Variants in IFT140 observed in about 807,000 individuals in gnomAD.
The protein encoded by IFT140 is intraflagellar transport 140.
IFT140 carries 133 observed loss-of-function variants against 164.6 expected under a neutral mutation model. That is an observed-to-expected ratio of 0.81 (90% CI 0.70 to 0.93). The LOEUF is 0.93. Among genes scored for constraint, IFT140 ranks in the 40% least tolerant of loss-of-function variants. The pLI, the probability that IFT140 is intolerant of heterozygous loss-of-function variation, is 0.00. For missense variants in IFT140, 2,045 were observed against 1,972.3 expected (o/e 1.04, Z -0.70); for synonymous variants, 860 against 817.3 (o/e 1.05, Z -0.89).
chr16:1,523,484 G>T, intron 26 of IFT140, 34 bp downstream of exon 26: 1 of 1,593,106 alleles, frequency 6.3e-7, no homozygotes. Flanking sequence ...TGGTGCCTGC[G>T]TGGAGCCGAG....
At chr16:1,537,769 C>T (rs1031474598) in intron 19 of IFT140, among the ~76,000 whole-genome samples, 6 of 152,198 alleles carry the variant, frequency 3.9e-5, no homozygotes, top group African/African-American at 1.4e-4. Flanking sequence ...GAACAGATGA[C>T]CGTGTGATTG....
chr16:1,517,693 G>A (rs2235637), intron 30 of IFT140, among the ~76,000 whole-genome samples: 65,242 of 152,054 alleles, frequency 0.43, 16,771 homozygotes, highest in African/African-American at 0.72. Flanking sequence ...CTTTTTTTGT[G>A]AAAATCCCTG....
intron 19 of IFT140, among the ~76,000 whole-genome samples, chr16:1,543,557 G>A (rs928271395): frequency 4.6e-5 from 7 of 152,352 alleles, no homozygotes; most frequent in African/African-American, 1.7e-4. Context: ...CATCACCATC[G>A]ACGTGGGGTC....
intron 27 of IFT140, 120 bp downstream of exon 27, chr16:1,520,482 T>C: frequency 7.4e-7 from 1 of 1,356,888 alleles, no homozygotes; most frequent in South Asian, 1.3e-5. Flanking sequence ...GTGCTCTTCC[T>C]GGCCAGAAAG....
At chr16:1,601,197 G>A (rs1438968403) in intron 4 of IFT140, among the ~76,000 whole-genome samples, 2 of 151,436 alleles carry the variant, frequency 1.3e-5, no homozygotes, top group African/African-American at 4.8e-5. Flanking sequence ...TCAGGATGTA[G>A]AGGTTGCAGT....
chr16:1,561,102 T>C (rs1030336338), intron 18 of IFT140, among the ~76,000 whole-genome samples: 1 of 152,192 alleles, frequency 6.6e-6, no homozygotes, highest in African/African-American at 2.4e-5. Flanking sequence ...GGCTCCTCTC[T>C]GAAAAATCCC....
rs1409510506 is a variant in IFT140 at position 1,586,176 on chromosome 16, G to A, written c.1109C>T (p.Ala370Val). The A allele has an allele frequency of 2.5e-6, 4 of 1,613,914 alleles. No individual in the cohort carries two copies. The highest frequency in any genetic ancestry group is 1.3e-5 in the African/African-American group (1 of 75,028). ...SPGAEGKDRW[A>V]LQTPTELQGN... ...TTGGAGCTCGGTAGGGGTCTGAAGG[G>A]CCCACCTGTCCTTGCCCTCTGCCCC... The change falls in exon 10 of 31, where the codon GCC becomes GTC. Residue 370 changes from alanine to valine, a missense_variant. Physicochemically the swap from Ala to Val is moderately conservative, Grantham distance 64 (BLOSUM62 0). Coordinates refer to ENST00000426508, the MANE Select transcript of IFT140 (RefSeq NM_014714.4).
At chr16:1,611,745 C>G (rs1424912954) in intron 1 of IFT140, among the ~76,000 whole-genome samples, 1 of 148,544 alleles carries the variant, frequency 6.7e-6, no homozygotes, top group African/African-American at 2.5e-5. Flanking sequence ...ACCTGGGAGG[C>G]GGAGCTTGCA....
chr16:1,546,555 A>G (rs2032188742), intron 19 of IFT140, among the ~76,000 whole-genome samples: 1 of 152,172 alleles, frequency 6.6e-6, no homozygotes, highest in Non-Finnish European at 1.5e-5. Context: ...CCTGCTGGGT[A>G]ACATGCATGC....
rs2141148514 is a variant in IFT140, at chr16:1,520,828, G to T, written c.3454-20C>A. The T allele has an allele frequency of 1.9e-6, 3 of 1,593,458 alleles. No individual in the cohort carries two copies. The highest frequency in any genetic ancestry group is 2.2e-5 in the South Asian group (2 of 90,160). ...CTGATACTGCAAAGGTGCAGAAATG[G>T]GACGGGGCTGCCGAGGGGGCCGGGA... On this transcript the variant is annotated intron_variant, in intron 26 of 30. Coordinates refer to ENST00000426508, the MANE Select transcript of IFT140 (RefSeq NM_014714.4).
Position 1,566,641 on chromosome 16 carries a change from T to TA in IFT140, c.1771-351dup, listed in dbSNP as rs2033734438. Among the ~76,000 whole-genome samples the TA allele has an allele frequency of 2.0e-5, 3 of 152,268 alleles. No individual in the cohort carries two copies. In the East Asian group the frequency reaches 5.8e-4, roughly 29 times the overall value. ...CCGTTCTCAGCTGAAACTCCTTTAT[T>TA]ACAGCTGAACTTTTCCACTGCTTCC... is the stretch of plus-strand genomic sequence containing the variant. On this transcript the variant is annotated intron_variant, in intron 15 of 30. Coordinates refer to ENST00000426508, the MANE Select transcript of IFT140 (RefSeq NM_014714.4).
intron 4 of IFT140, among the ~76,000 whole-genome samples, chr16:1,598,141 A>C (rs1235969530): frequency 1.3e-5 from 2 of 152,204 alleles, no homozygotes; most frequent in African/African-American, 4.8e-5. Flanking sequence ...ATAAAAAAAA[A>C]ACTTGGCGAA....
At chr16:1,552,945 G>A (rs934637512) in intron 19 of IFT140, 1 of 984,368 alleles carries the variant, frequency 1.0e-6, no homozygotes, top group Non-Finnish European at 1.2e-6. Flanking sequence ...AAACCACTGT[G>A]CCTTGTCTAG....
chr16:1,592,140 C>T (rs527293637), intron 6 of IFT140, 36 bp downstream of exon 6: 1 of 1,612,486 alleles, frequency 6.2e-7, no homozygotes, highest in East Asian at 2.2e-5. Context: ...CCCTAAAATG[C>T]TAGGACCCCT....
In IFT140 at chr16:1,520,131, C is replaced by G; in HGVS notation, c.3873G>C (p.Gln1291His). The G allele has an allele frequency of 3.7e-6, 6 of 1,613,868 alleles. No individual in the cohort carries two copies. Among genetic ancestry groups the G allele is most frequent in the Non-Finnish European group, 4.2e-6 (5 of 1,179,772 alleles). The change falls in exon 28 of 31, where the codon CAG (glutamine) becomes CAC (histidine). Residue 1291 changes from glutamine to histidine, a missense_variant and splice_region_variant. Physicochemically the swap from Gln to His is conservative, Grantham distance 24. Coordinates refer to ENST00000426508, the MANE Select transcript of IFT140 (RefSeq NM_014714.4). ...CTGGCATGCCAGGGAGGGCCTGCAC[C>G]TGGGCACAAGCGTCATAAAAGCCAG... is the stretch of plus-strand genomic sequence containing the variant. ...LLAGFYDACAQVEIDEYQNYD... is the reference protein window; with the variant it reads ...LLAGFYDACAHVEIDEYQNYD...
chr16:1,511,072 C>T lies in IFT140; in HGVS notation c.4261G>A (p.Asp1421Asn). The change falls in exon 31 of 31, where the codon GAC becomes AAC. Residue 1421 changes from aspartate to asparagine, a missense_variant. Coordinates refer to ENST00000426508, the MANE Select transcript of IFT140 (RefSeq NM_014714.4). ...AGACCCAGCCCCCGGTGCACGGCGT[C>T]CACGGCCTGCGGGCTCACGTAGTAG... ...MSYYVSPQAV[D>N]AVHRGLGLPL... 2 of 1,609,458 alleles carry T rather than the reference C, an allele frequency of 1.2e-6. No individual in the cohort carries two copies. The highest frequency in any genetic ancestry group is 1.7e-6 in the Non-Finnish European group (2 of 1,178,288).
At chr16:1,608,230 G>A (rs940734256) in intron 2 of IFT140, among the ~76,000 whole-genome samples, 8 of 152,144 alleles carry the variant, frequency 5.3e-5, no homozygotes, top group East Asian at 1.9e-4. Flanking sequence ...CTTTTCAGGC[G>A]GGTTAGGGTG....
intron 13 of IFT140, among the ~76,000 whole-genome samples, chr16:1,572,241 G>A (rs558445148): frequency 6.6e-6 from 1 of 152,358 alleles, no homozygotes; most frequent in Non-Finnish European, 1.5e-5. Flanking sequence ...GAAACTGGAA[G>A]ACTGCAGGGT....
rs1408766601 is a variant in IFT140 at position 1,607,194 on chromosome 16, G to C, written c.73C>G (p.Pro25Ala). 1.9e-6 allele frequency: 3 copies of C among 1,614,144 alleles called. No individual in the cohort carries two copies. Among genetic ancestry groups the C allele is most frequent in the Admixed American group, 1.7e-5 (1 of 60,020 alleles). Reference protein sequence around the residue: ...AGSPSFISWHPVHPFLAVAYI... With the variant: ...AGSPSFISWHAVHPFLAVAYI... ...GCAACTGCCAAGAATGGATGGACAG[G>C]GTGCCAGCTGATAAATGAGGGTGAC... The change falls in exon 3 of 31, where the codon CCT (proline) becomes GCT (alanine). Residue 25 changes from proline (P) to alanine (A), a missense_variant. Coordinates refer to ENST00000426508, the MANE Select transcript of IFT140 (RefSeq NM_014714.4).
Sources: allele counts gnomAD v4.1 joint callset (sites outside exome capture counted in the v4.1 genomes callset), GRCh38; gene constraint gnomAD v4.1.1; transcripts MANE v1.5; gene names NCBI Gene and HGNC (gene_info 2026-07-23, HGNC 2026-07-21).